GPC6: variants seen among roughly 807,000 people sequenced by gnomAD.
GPC6 encodes glypican-6.
A neutral mutation model predicts 55.2 loss-of-function variants in GPC6; 14 were observed. The observed-to-expected ratio is 0.25, with a 90% CI of 0.17 to 0.40. GPC6 has a LOEUF of 0.40. Among genes scored for constraint, GPC6 ranks in the 10% least tolerant of loss-of-function variants. The probability of loss-of-function intolerance (pLI) is 1.00; values close to 1 mark genes in which losing one functional copy is unlikely to be tolerated. For synonymous variants in GPC6, 278 were observed against 259.6 expected (o/e 1.07, Z -0.68); for missense variants, 641 against 708.5 (o/e 0.90, Z 1.08).
intron 4 of GPC6, among the ~76,000 whole-genome samples, chr13:94,034,722 T>C (rs966792125): frequency 2.6e-5 from 4 of 152,060 alleles, no homozygotes; most frequent in Admixed American, 6.6e-5. Context: ...ATAATAGTAA[T>C]TGTTCCATTT....
chr13:94,303,625 G>C (rs1223948916), intron 5 of GPC6, among the ~76,000 whole-genome samples: 1 of 152,134 alleles, frequency 6.6e-6, no homozygotes, highest in Non-Finnish European at 1.5e-5. Context: ...GTAATTAGAA[G>C]TCAGTGTTTT....
rs1441189433 is a variant in GPC6 at position 93,884,335 on chromosome 13, G to C, written c.711+53790G>C. 2.6e-5 allele frequency among the ~76,000 whole-genome samples: 4 copies of C among 152,044 alleles called. No homozygotes were observed. In the East Asian group the frequency reaches 5.8e-4, roughly 22 times the overall value. The stretch of plus-strand genomic sequence containing the variant: ...TTTCTGTAGAATATGTAGAATGCAA[G>C]TTTATCAATTGTTGTTCATCTTATT... On this transcript the variant is annotated intron_variant, in intron 3 of 8. Coordinates refer to ENST00000377047, the MANE Select transcript of GPC6 (RefSeq NM_005708.5).
intron 4 of GPC6, among the ~76,000 whole-genome samples, chr13:94,216,279 C>G (rs1212161260): frequency 6.6e-6 from 1 of 152,142 alleles, no homozygotes; most frequent in Non-Finnish European, 1.5e-5. Flanking sequence ...ATTTTACTTT[C>G]CCCATTAACA....
intron 1 of GPC6, among the ~76,000 whole-genome samples, chr13:93,335,860 T>C (rs1387467306): frequency 6.6e-6 from 1 of 152,206 alleles, no homozygotes; most frequent in Non-Finnish European, 1.5e-5. Flanking sequence ...TTCTGATTAC[T>C]TATCAGCAAA....
intron 4 of GPC6, among the ~76,000 whole-genome samples, chr13:94,075,587 C>A (rs1884884677): frequency 6.6e-6 from 1 of 152,116 alleles, no homozygotes; most frequent in African/African-American, 2.4e-5. Flanking sequence ...AAACTTTAAA[C>A]CCATTGAAGA....
At chr13:93,349,760 C>G (rs967060546) in intron 1 of GPC6, among the ~76,000 whole-genome samples, 6 of 152,046 alleles carry the variant, frequency 3.9e-5, no homozygotes, top group Non-Finnish European at 8.8e-5. Context: ...GTATCAGACA[C>G]CAGTTTTAAT....
At chr13:93,395,240 C>G (rs1197392200) in intron 1 of GPC6, 2 of 422,796 alleles carry the variant, frequency 4.7e-6, no homozygotes, top group African/African-American at 4.1e-5. Flanking sequence ...CCCACCAGAA[C>G]CACTTGCACA....
intron 2 of GPC6, among the ~76,000 whole-genome samples, chr13:93,753,209 C>T (rs186517334): frequency 3.8e-4 from 58 of 152,230 alleles, no homozygotes; most frequent in African/African-American, 1.3e-3. Flanking sequence ...TTAGTGTTGG[C>T]GGAATGTCTT....
intron 1 of GPC6, among the ~76,000 whole-genome samples, chr13:93,440,997 A>G (rs577227287): frequency 6.6e-6 from 1 of 152,256 alleles, no homozygotes; most frequent in African/African-American, 2.4e-5. Context: ...TTCTAGCTTC[A>G]TCCATGTCCC....
chr13:94,011,225 C>A lies in GPC6; in HGVS notation c.712-16504C>A, dbSNP rs1413034246. On this transcript the variant is annotated intron_variant, in intron 3 of 8. Coordinates refer to ENST00000377047, the MANE Select transcript of GPC6 (RefSeq NM_005708.5). ...TAGTCACTTCTTATATTTCATCATT[C>A]TTTTAAGTAATTACTGTAAGTAACA... Among the ~76,000 whole-genome samples the A allele has an allele frequency of 2.6e-5, 4 of 152,166 alleles. No homozygotes were observed. In the East Asian group the frequency reaches 5.8e-4, roughly 22 times the overall value.
chr13:94,393,240 T>C (rs2389096), intron 7 of GPC6, among the ~76,000 whole-genome samples: 127,074 of 152,074 alleles, frequency 0.84, 53,178 homozygotes, highest in Admixed American at 0.88. Flanking sequence ...TTACATCGTA[T>C]CTCCAGTGGG....
chr13:93,889,949 C>T (rs1875567673), intron 3 of GPC6, among the ~76,000 whole-genome samples: 1 of 151,948 alleles, frequency 6.6e-6, no homozygotes, highest in Admixed American at 6.6e-5. Context: ...AAGATACATA[C>T]CATTCTATAG....
At chr13:93,631,602 T>C (rs1373008959) in intron 2 of GPC6, among the ~76,000 whole-genome samples, 2 of 152,236 alleles carry the variant, frequency 1.3e-5, no homozygotes, top group Non-Finnish European at 2.9e-5. Flanking sequence ...CTGATAACGC[T>C]GGTCTGTCAG....
Position 94,331,778 on chromosome 13 carries a change from A to T in GPC6, c.1152+25655A>T, listed in dbSNP as rs183460797. 9.8e-5 allele frequency among the ~76,000 whole-genome samples: 15 copies of T among 152,328 alleles called. No homozygotes were observed. The East Asian group carries it at 1.5e-3, about 16-fold the overall frequency. Reference sequence around the variant, plus strand: ...TGGAAAGCAAGGATCACTACTTAGGAAAAGTAAAAGGTGAATTAATTTGGG... The same window carrying T: ...TGGAAAGCAAGGATCACTACTTAGGTAAAGTAAAAGGTGAATTAATTTGGG... On this transcript the variant is annotated intron_variant, in intron 6 of 8. Transcript: ENST00000377047.
At chr13:93,277,684 A>G (rs1016357772) in intron 1 of GPC6, among the ~76,000 whole-genome samples, 1 of 152,200 alleles carries the variant, frequency 6.6e-6, no homozygotes, top group Non-Finnish European at 1.5e-5. Flanking sequence ...TTAGTAATTA[A>G]CTTTTTAAAA....
chr13:94,043,642 C>T (rs1883621369), intron 4 of GPC6, among the ~76,000 whole-genome samples: 3 of 151,746 alleles, frequency 2.0e-5, no homozygotes, highest in Admixed American at 2.0e-4. Flanking sequence ...TTCATTCTAG[C>T]CTTCTCTTTC....
At chr13:93,745,754 T>C (rs1400209972) in intron 2 of GPC6, among the ~76,000 whole-genome samples, 1 of 152,304 alleles carries the variant, frequency 6.6e-6, no homozygotes, top group East Asian at 1.9e-4. Context: ...ATGATGTTTT[T>C]TGTTTTCCCA....
chr13:93,414,058 A>C (rs969246499), intron 1 of GPC6, among the ~76,000 whole-genome samples: 4 of 152,210 alleles, frequency 2.6e-5, no homozygotes, highest in Middle Eastern at 3.2e-3. Context: ...AAAAATTAAA[A>C]GATGAACAGG....
In GPC6 at chr13:93,434,228, A is replaced by G. The variant is rs540207385; in HGVS notation, c.161-111035A>G. On this transcript the variant is annotated intron_variant, in intron 1 of 8. Coordinates refer to ENST00000377047, the MANE Select transcript of GPC6 (RefSeq NM_005708.5). ...AGACATAATGGCACAGAACAGATCA[A>G]TAGAAATGCCACAGTCTTATGTTGT... 2.0e-5 allele frequency among the ~76,000 whole-genome samples: 3 copies of G among 152,306 alleles called. No individual in the cohort carries two copies. The South Asian group carries it at 6.2e-4, about 32-fold the overall frequency.
Sources: gnomAD v4.1 joint callset for allele counts (sites outside exome capture counted in the v4.1 genomes callset) on GRCh38, gnomAD v4.1.1 for gene constraint, MANE v1.5 for transcripts, NCBI Gene and HGNC (gene_info 2026-07-23, HGNC 2026-07-21) for gene names.